Variants in ABCF1 observed in about 807,000 individuals in gnomAD.
The protein encoded by ABCF1 is ATP-binding cassette sub-family F member 1.
Under a neutral mutation model 126.3 loss-of-function variants are expected in ABCF1, and 73 were observed. That is an observed-to-expected ratio of 0.58 (90% confidence interval 0.48 to 0.70). The LOEUF (loss-of-function observed/expected upper bound fraction) is 0.70, where lower values mean the gene tolerates loss of function less well. Among genes scored for constraint, ABCF1 ranks in the 30% least tolerant of loss-of-function variants. ABCF1 has a pLI of 0.00. For synonymous variants in ABCF1, 345 were observed against 396.4 expected, an observed-to-expected ratio of 0.87 and a Z score of 1.54; for missense variants, 786 against 1,057.5, an observed-to-expected ratio of 0.74 and a Z score of 3.56.
rs776117152 is a variant in ABCF1, at chr6:30,583,712, A to C, written c.1016+4A>C. On this transcript the variant is annotated splice_donor_region_variant and intron_variant, in intron 11 of 24. Coordinates refer to ENST00000326195, the MANE Select transcript of ABCF1 (RefSeq NM_001025091.2). The surrounding 1 kb of genome is among the most constrained non-coding windows in gnomAD (Gnocchi z 4.1). ...ACGGGCTGGTAGGACCCAATGGGTG[A>C]GAAGAGGAGGGAGCTGGAGGCAAAA... 2.5e-6 allele frequency: 4 copies of C among 1,614,002 alleles called. No individual in the cohort carries two copies. The Admixed American group carries it at 6.7e-5, about 27-fold the overall frequency.
chr6:30,580,991 A>G (rs1191525032), intron 8 of ABCF1, among the ~76,000 whole-genome samples: 1 of 152,042 alleles, frequency 6.6e-6, no homozygotes, highest in Non-Finnish European at 1.5e-5. Context: ...CTTTTTCTAT[A>G]AAGGGCCATA....
At chr6:30,575,401 G>C (rs1463371402) in intron 1 of ABCF1, among the ~76,000 whole-genome samples, 1 of 151,232 alleles carries the variant, frequency 6.6e-6, no homozygotes, top group Non-Finnish European at 1.5e-5. Context: ...ATACTGAAAT[G>C]CTTAAGGGTA....
At chr6:30,590,475 TTC>T in intron 24 of ABCF1, 58 bp from the exon 25 acceptor site, 1 of 1,580,790 alleles carries the variant, frequency 6.3e-7, no homozygotes, top group Non-Finnish European at 8.6e-7. Context: ...TTATTTCATG[TTC>T]TGATTCCCCT....
At chr6:30,578,635 T>A in intron 6 of ABCF1, 58 bp downstream of exon 6, 1 of 1,449,654 alleles carries the variant, frequency 6.9e-7, no homozygotes, top group Non-Finnish European at 9.6e-7. Context: ...CTGGCCATGG[T>A]GGAGTAATTT....
In ABCF1 at chr6:30,577,897, A is replaced by G; in HGVS notation, c.200A>G (p.Gln67Arg). ...CTCAAGGAGAAGGAGCAGCAGCAGC[A>G]GCAACAGCAACAGCAGGTACAAGTG... ...KVLKEKEQQQ[Q>R]QQQQQQKKKR... Residue 67 changes from glutamine to arginine, a missense_variant, in exon 3 of 25, where the codon CAG (glutamine) becomes CGG (arginine). Gln to Arg is a conservative substitution (Grantham distance 43). Around this residue, in one of 4 missense-constraint regions of ABCF1, gnomAD observed 322 missense variants for 322.9 expected, o/e 1.00. Coordinates refer to ENST00000326195, the MANE Select transcript of ABCF1 (RefSeq NM_001025091.2). The G allele has an allele frequency of 6.2e-7, 1 of 1,614,096 alleles. No homozygotes were observed. Among genetic ancestry groups the G allele is most frequent in the South Asian group, 1.1e-5 (1 of 91,086 alleles).
intron 8 of ABCF1, 91 bp from the exon 9 acceptor site, chr6:30,582,303 G>T: frequency 6.8e-6 from 5 of 732,916 alleles, no homozygotes; most frequent in Non-Finnish European, 2.3e-6. Flanking sequence ...GGATCTGCCC[G>T]CTTTGGCTTC....
At chr6:30,575,096 G>C (rs2127403755) in intron 1 of ABCF1, among the ~76,000 whole-genome samples, 1 of 135,836 alleles carries the variant, frequency 7.4e-6, no homozygotes. Flanking sequence ...TTTTGAGACA[G>C]TCTCGCTGTG....
intron 2 of ABCF1, 48 bp downstream of exon 2, chr6:30,577,503 A>G (rs1466473163): frequency 6.3e-7 from 1 of 1,597,700 alleles, no homozygotes; most frequent in Admixed American, 1.7e-5. Context: ...GATGTTTCCA[A>G]GCTAAATAAA....
rs1213730491 is a variant in ABCF1, at chr6:30,584,730, C to T, written c.1391+164C>T. Among the ~76,000 whole-genome samples the T allele has an allele frequency of 1.3e-5, 2 of 152,220 alleles. No individual in the cohort carries two copies. Among genetic ancestry groups the T allele is most frequent in the East Asian group, 1.9e-4 (1 of 5,170 alleles). On this transcript the variant is annotated intron_variant, in intron 14 of 24. Coordinates refer to ENST00000326195, the MANE Select transcript of ABCF1 (RefSeq NM_001025091.2). This position sits in a 1 kb window ranked among gnomAD's most constrained non-coding sequence, Gnocchi z 4.6. The stretch of plus-strand genomic sequence containing the variant: ...CTTAGGGTCTTTCTCTATTTATCTC[C>T]CTACTTGGTGGTGAGTTCTCATCAA...
chr6:30,580,069 G>T, intron 7 of ABCF1, 64 bp downstream of exon 7: 1 of 1,543,368 alleles, frequency 6.5e-7, no homozygotes, highest in Non-Finnish European at 8.9e-7. Flanking sequence ...CATCAGGGCT[G>T]GGCGCGGTGG....
In ABCF1 at chr6:30,584,983, T is replaced by C. The variant is rs1802033952; in HGVS notation, c.1392-277T>C. On this transcript the variant is annotated intron_variant, in intron 14 of 24. Coordinates refer to ENST00000326195, the MANE Select transcript of ABCF1 (RefSeq NM_001025091.2). The surrounding 1 kb of genome is among the most constrained non-coding windows in gnomAD (Gnocchi z 4.6). Reference sequence around the variant, plus strand: ...CAGCTGGATATGGTGGCGCACGCTGTGGTCACAGCTACTCTGGAGGCTGAA... The same window carrying C: ...CAGCTGGATATGGTGGCGCACGCTGCGGTCACAGCTACTCTGGAGGCTGAA... 6.6e-6 allele frequency among the ~76,000 whole-genome samples: 1 copy of C among 152,162 alleles called. No homozygotes were observed. Among genetic ancestry groups the C allele is most frequent in the African/African-American group, 2.4e-5 (1 of 41,426 alleles).
chr6:30,588,274 C>T (rs1802258546), intron 20 of ABCF1, among the ~76,000 whole-genome samples: 1 of 152,068 alleles, frequency 6.6e-6, no homozygotes, highest in Non-Finnish European at 1.5e-5. Context: ...TAATTTTTAA[C>T]AAAAATGGGC....
In ABCF1 at chr6:30,582,460, C is replaced by T; in HGVS notation, c.745C>T (p.Pro249Ser). 3 of 1,612,930 alleles carry T rather than the reference C, an allele frequency of 1.9e-6. No individual in the cohort carries two copies. The highest frequency in any genetic ancestry group is 2.5e-6 in the Non-Finnish European group (3 of 1,179,980). ...AGGAGGAGAGTCTAAGGCAGATGAT[C>T]CCTATGCTCATCTTAGCAAAAAGGA... Reference protein sequence around the residue: ...EEGGESKADDPYAHLSKKEKK... With the variant: ...EEGGESKADDSYAHLSKKEKK... Residue 249 changes from proline to serine, a missense_variant, in exon 9 of 25, where the codon CCC becomes TCC. Pro to Ser is a moderately conservative substitution (Grantham distance 74, BLOSUM62 -1). Transcript: ENST00000326195.
rs566683303 is a variant in ABCF1 at position 30,589,700 on chromosome 6, A to G, written c.2044A>G (p.Met682Val). ...TCTTCCCTTGCAGACCCATGGGGAA[A>G]TGAGAAAGAACCACCGGCTGGTAAG... ...TGKLTPTHGE[M>V]RKNHRLKIGF... Residue 682 changes from methionine (M) to valine (V), a missense_variant, in exon 21 of 25, where the codon ATG becomes GTG. By Grantham distance (21) the Met-to-Val change is conservative (BLOSUM62 1). Around this residue, in one of 4 missense-constraint regions of ABCF1, gnomAD observed 288 missense variants for 423.5 expected, o/e 0.68. Coordinates refer to ENST00000326195, the MANE Select transcript of ABCF1 (RefSeq NM_001025091.2). The G allele has an allele frequency of 5.6e-6, 9 of 1,614,120 alleles. No homozygotes were observed. In the Admixed American group the frequency reaches 1.2e-4, roughly 21 times the overall value.
chr6:30,571,571 T>C lies in ABCF1; in HGVS notation c.73+11T>C, dbSNP rs922585558. The stretch of plus-strand genomic sequence containing the variant: ...GCACGAGCCCATCAGGTGAGGCTGG[T>C]AGGCAAGGAAGAAACGAGCAGAGGG... On this transcript the variant is annotated intron_variant, in intron 1 of 24. Coordinates refer to ENST00000326195, the MANE Select transcript of ABCF1 (RefSeq NM_001025091.2). 1.9e-6 allele frequency: 3 copies of C among 1,607,694 alleles called. No homozygotes were observed. Among genetic ancestry groups the C allele is most frequent in the Non-Finnish European group, 2.5e-6 (3 of 1,178,486 alleles).
At chr6:30,585,115 A>C in intron 14 of ABCF1, 145 bp from the exon 15 acceptor site, 1 of 737,626 alleles carries the variant, frequency 1.4e-6, no homozygotes, top group Non-Finnish European at 2.3e-6. Context: ...AAAAAAATTA[A>C]ACCGTATCCT....
intron 8 of ABCF1, among the ~76,000 whole-genome samples, chr6:30,581,786 C>T (rs1260633135): frequency 6.6e-6 from 1 of 152,186 alleles, no homozygotes; most frequent in African/African-American, 2.4e-5. Flanking sequence ...AATCCATTTA[C>T]TCCACCTTCA....
chr6:30,590,847 G>A lies in ABCF1; in HGVS notation c.*146G>A, dbSNP rs1237382201. Reference sequence around the variant, plus strand: ...TGAAGGTGGAGTGTGACCTTGATGTGACCGGGATCCCACTCTGATTGCATC... The same window carrying A: ...TGAAGGTGGAGTGTGACCTTGATGTAACCGGGATCCCACTCTGATTGCATC... On this transcript the variant is annotated 3_prime_UTR_variant, in exon 25 of 25. Transcript: ENST00000326195. 6 of 809,802 alleles carry A rather than the reference G, an allele frequency of 7.4e-6. No individual in the cohort carries two copies. In the East Asian group the frequency reaches 1.4e-4, roughly 19 times the overall value. The allele number at this position is 809,802 out of a possible 1,614,324, so 50.2% of individuals were successfully genotyped here.
In ABCF1 at chr6:30,583,372, C is replaced by T. The variant is rs1218551432; in HGVS notation, c.915+184C>T. Among the ~76,000 whole-genome samples the T allele has an allele frequency of 6.6e-6, 1 of 152,164 alleles. No individual in the cohort carries two copies. Among genetic ancestry groups the T allele is most frequent in the Non-Finnish European group, 1.5e-5 (1 of 68,030 alleles). On this transcript the variant is annotated intron_variant, in intron 10 of 24. Transcript: ENST00000326195. This position sits in a 1 kb window ranked among gnomAD's most constrained non-coding sequence, Gnocchi z 4.1. Reference sequence around the variant, plus strand: ...ATAGAAAAACCAGTAGAAGTGGGGTCCACCCTTGGCAGAAAATAGTGTGGG... The same window carrying T: ...ATAGAAAAACCAGTAGAAGTGGGGTTCACCCTTGGCAGAAAATAGTGTGGG...
Sources: gnomAD v4.1 joint callset for allele counts (sites outside exome capture counted in the v4.1 genomes callset) on GRCh38, gnomAD v4.1.1 for gene constraint, gnomAD v4.1.1 regional missense constraint, Gnocchi (gnomAD v3.1) non-coding constraint, MANE v1.5 for transcripts, NCBI Gene and HGNC (gene_info 2026-07-23, HGNC 2026-07-21) for gene names.